The following TTC28 variants were observed in gnomAD, a reference collection of about 807,000 sequenced individuals.
TTC28 encodes the protein tetratricopeptide repeat domain 28, also known as tetratricopeptide repeat protein 28.
A neutral mutation model predicts 198.0 loss-of-function variants in TTC28; 61 were observed. That is an observed-to-expected ratio of 0.31 (90% CI 0.25 to 0.38). The LOEUF is 0.38. TTC28 is among the 10% of genes least tolerant of loss of function. The probability of loss-of-function intolerance (pLI) is 1.00; values close to 1 mark genes in which losing one functional copy is unlikely to be tolerated. For missense variants in TTC28, 2,678 were observed against 3,164.0 expected (o/e 0.85, Z 3.69); for synonymous variants, 1,171 against 1,297.8 (o/e 0.90, Z 2.10).
chr22:28,001,284 C>T (rs1173547722), intron 15 of TTC28, 90 bp downstream of exon 15: 3 of 1,440,326 alleles, frequency 2.1e-6, no homozygotes, highest in Middle Eastern at 2.5e-4. Context: ...ACAGCTATGC[C>T]TTCGTAACAC....
intron 2 of TTC28, among the ~76,000 whole-genome samples, chr22:28,579,262 T>C (rs1234529416): frequency 6.7e-6 from 1 of 150,228 alleles, no homozygotes; most frequent in African/African-American, 2.4e-5. Flanking sequence ...TATGTAAGTA[T>C]AGCTATATAC....
chr22:28,271,456 T>C (rs1037983360), intron 5 of TTC28, among the ~76,000 whole-genome samples: 2 of 152,164 alleles, frequency 1.3e-5, no homozygotes, highest in Non-Finnish European at 2.9e-5. Flanking sequence ...CATGTAGTTG[T>C]ATGGTTTGGC....
intron 5 of TTC28, among the ~76,000 whole-genome samples, chr22:28,214,228 C>T (rs1927179700): frequency 6.6e-6 from 1 of 152,180 alleles, no homozygotes; most frequent in Non-Finnish European, 1.5e-5. Flanking sequence ...TGGCCAAGGA[C>T]TTCATGTCTA....
chr22:28,534,937 A>T lies in TTC28; in HGVS notation c.381+94615T>A, dbSNP rs529986671. On this transcript the variant is annotated intron_variant, in intron 2 of 22. Transcript: ENST00000397906. ...TGGGGTTGGGGGAGGGGGCAGGGGT[A>T]GTATGAGGAGATATACCTAATGTAA... 3.0e-4 allele frequency among the ~76,000 whole-genome samples: 45 copies of T among 152,242 alleles called. 1 individual carries two copies. In the East Asian group the frequency reaches 7.9e-3, roughly 27 times the overall value.
In TTC28 at chr22:28,014,310, T is replaced by A; in HGVS notation, c.4156A>T (p.Ser1386Cys). ...DGTSSLPRRQ[S>C]SFAKPPLRAL... Reference sequence around the variant, plus strand: ...CGGAGCGGGGGCTTGGCAAACGAGCTCTGCCTCCTGGGAAGAGAGGAGGTC... The same window carrying A: ...CGGAGCGGGGGCTTGGCAAACGAGCACTGCCTCCTGGGAAGAGAGGAGGTC... Residue 1386 changes from serine to cysteine, a missense_variant, in exon 14 of 23, where the codon AGC becomes TGC. By Grantham distance (112) the Ser-to-Cys change is moderately radical (BLOSUM62 -1). Around this residue, in one of 8 missense-constraint regions of TTC28, gnomAD observed 727 missense variants for 861.9 expected, o/e 0.84. Transcript: ENST00000397906. The A allele has an allele frequency of 6.4e-7, 1 of 1,551,620 alleles. No individual in the cohort carries two copies. The highest frequency in any genetic ancestry group is 8.7e-7 in the Non-Finnish European group (1 of 1,146,974).
rs553290782 is a variant in TTC28 at position 28,074,086 on chromosome 22, AC to A, written c.3932+19993del. ...CACAAAAGTACAAGCAAGATGAAAA[AC>A]AAAGCCTATTTCAACCAGTTCAAAG... On this transcript the variant is annotated intron_variant, in intron 12 of 22. Transcript: ENST00000397906. Among the ~76,000 whole-genome samples the A allele has an allele frequency of 1.6e-4, 24 of 152,284 alleles. 1 individual carries two copies. In the South Asian group the frequency reaches 5.0e-3, roughly 32 times the overall value.
chr22:28,509,475 T>C (rs2048658896), intron 2 of TTC28, among the ~76,000 whole-genome samples: 1 of 152,170 alleles, frequency 6.6e-6, no homozygotes, highest in Admixed American at 6.6e-5. Flanking sequence ...AGAAGTTCTT[T>C]GAAACTACTG....
chr22:28,464,556 T>C (rs576377729), intron 2 of TTC28, among the ~76,000 whole-genome samples: 4 of 152,316 alleles, frequency 2.6e-5, no homozygotes, highest in African/African-American at 9.6e-5. Context: ...TTTCTATCTA[T>C]GAAAAAGACT....
intron 2 of TTC28, among the ~76,000 whole-genome samples, chr22:28,532,333 T>A (rs562764249): frequency 6.6e-6 from 1 of 152,256 alleles, no homozygotes; most frequent in South Asian, 2.1e-4. Context: ...CCTGGACACA[T>A]ACACCCTCCC....
intron 2 of TTC28, among the ~76,000 whole-genome samples, chr22:28,447,670 TAA>T (rs1217339636): frequency 6.6e-6 from 1 of 152,180 alleles, no homozygotes; most frequent in Non-Finnish European, 1.5e-5. Flanking sequence ...CTGGACTTAA[TAA>T]AGTTATTTAA....
chr22:28,415,037 C>T (rs1258434149), intron 2 of TTC28, among the ~76,000 whole-genome samples: 1 of 152,120 alleles, frequency 6.6e-6, no homozygotes, highest in Non-Finnish European at 1.5e-5. Context: ...GAGACAGGTT[C>T]TTACCATCTA....
intron 5 of TTC28, among the ~76,000 whole-genome samples, chr22:28,165,361 C>A (rs1343189142): frequency 6.6e-6 from 1 of 151,914 alleles, no homozygotes; most frequent in Non-Finnish European, 1.5e-5. Context: ...AGAGCAACGC[C>A]AAGACACATA....
intron 2 of TTC28, among the ~76,000 whole-genome samples, chr22:28,483,807 G>A (rs773693124): frequency 3.9e-5 from 6 of 152,146 alleles, no homozygotes; most frequent in Non-Finnish European, 8.8e-5. Flanking sequence ...CCACATGGGT[G>A]GCAAATACAC....
chr22:28,660,315 A>G (rs1204333582), intron 1 of TTC28, among the ~76,000 whole-genome samples: 3 of 152,110 alleles, frequency 2.0e-5, no homozygotes, highest in Admixed American at 6.6e-5. Flanking sequence ...TCATCAGCAC[A>G]GTAAGAAAAG....
At chr22:28,006,390 C>A (rs1937930483) in intron 14 of TTC28, 1 of 152,224 alleles carries the variant, frequency 6.6e-6, no homozygotes, top group Non-Finnish European at 1.5e-5. Context: ...TGCGAATTTA[C>A]AACTGTCTTC....
intron 2 of TTC28, among the ~76,000 whole-genome samples, chr22:28,604,536 G>C (rs1009400949): frequency 1.3e-5 from 2 of 151,718 alleles, no homozygotes; most frequent in African/African-American, 4.8e-5. Flanking sequence ...CTGAGGTCAG[G>C]AGTTCGAGAC....
chr22:28,026,968 A>G (rs896732626), intron 13 of TTC28, among the ~76,000 whole-genome samples: 2 of 152,222 alleles, frequency 1.3e-5, no homozygotes, highest in African/African-American at 4.8e-5. Context: ...ATACCAACGC[A>G]GTCCCTGTAG....
intron 10 of TTC28, among the ~76,000 whole-genome samples, chr22:28,098,412 A>T (rs1437942386): frequency 6.6e-6 from 1 of 152,138 alleles, no homozygotes; most frequent in Non-Finnish European, 1.5e-5. Flanking sequence ...GACCCACCAG[A>T]CAAGAGACTT....
At chr22:28,318,306 A>G (rs2045384922) in intron 2 of TTC28, among the ~76,000 whole-genome samples, 1 of 152,020 alleles carries the variant, frequency 6.6e-6, no homozygotes, top group African/African-American at 2.4e-5. Context: ...ATTCTTTCTG[A>G]CCTTAAGAGT....
Sources: allele counts gnomAD v4.1 joint callset (sites outside exome capture counted in the v4.1 genomes callset), GRCh38; gene constraint gnomAD v4.1.1; regional missense constraint gnomAD v4.1.1; transcripts MANE v1.5; gene names NCBI Gene and HGNC (gene_info 2026-07-23, HGNC 2026-07-21).